SLC22A2: variants seen among roughly 807,000 people sequenced by gnomAD.
SLC22A2 encodes organic cation transporter 2.
A neutral mutation model predicts 60.5 loss-of-function variants in SLC22A2; 46 were observed. The observed-to-expected ratio is 0.76, with a 90% CI of 0.60 to 0.97. The LOEUF is 0.97. Among genes scored for constraint, SLC22A2 ranks in the 50% least tolerant of loss-of-function variants. The pLI, the probability that SLC22A2 is intolerant of heterozygous loss-of-function variation, is 0.00. For synonymous variants in SLC22A2, 303 were observed against 267.0 expected (o/e 1.13, Z -1.31); for missense variants, 701 against 706.6 (o/e 0.99, Z 0.09).
chr6:160,224,733 T>C lies in SLC22A2; in HGVS notation c.1573A>G (p.Thr525Ala). 2 of 1,607,840 alleles carry C rather than the reference T, an allele frequency of 1.2e-6. No homozygotes were observed. Among genetic ancestry groups the C allele is most frequent in the South Asian group, 1.1e-5 (1 of 89,838 alleles). ...PETKGKALPE[T>A]IEEAENMQRP... is the part of the protein sequence containing the mutation. ...TGCATATTTTCGGCTTCCTCGATGG[T>C]CTCAGGCAAAGCTTTCCCTTTAGTT... The change falls in exon 10 of 11, where the codon ACC (threonine) becomes GCC (alanine). Residue 525 changes from threonine to alanine, a missense_variant. Coordinates refer to ENST00000366953, the MANE Select transcript of SLC22A2 (RefSeq NM_003058.4).
In SLC22A2 at chr6:160,235,150, A is replaced by C. The variant is rs373815550; in HGVS notation, c.1501+6324T>G. ...TTTCCTCATAAAGCCCAAGGAATTA[A>C]AGTGGATAGATCCATCTCAAAATCT... is the stretch of plus-strand genomic sequence containing the variant. On this transcript the variant is annotated intron_variant, in intron 9 of 10. Transcript: ENST00000366953. Among the ~76,000 whole-genome samples, 7 of 152,200 alleles carry C rather than the reference A, an allele frequency of 4.6e-5. No homozygotes were observed. The East Asian group carries it at 1.2e-3, about 25-fold the overall frequency.
chr6:160,256,959 G>A (rs751504934), intron 1 of SLC22A2, among the ~76,000 whole-genome samples: 43 of 149,516 alleles, frequency 2.9e-4, no homozygotes, highest in Non-Finnish European at 6.0e-4. Flanking sequence ...CTGGAGTACA[G>A]TGGTGATCAT....
rs544190533 is a variant in SLC22A2, at chr6:160,220,340, C to T, written c.1602-2842G>A. Reference sequence around the variant, plus strand: ...GGTTGAAGCAATTCAGTCACATCTTCGGGCTCTACTTCTAATTCTAGTTCT... The same window carrying T: ...GGTTGAAGCAATTCAGTCACATCTTTGGGCTCTACTTCTAATTCTAGTTCT... On this transcript the variant is annotated intron_variant, in intron 10 of 10. Transcript: ENST00000366953. 1.7e-4 allele frequency among the ~76,000 whole-genome samples: 26 copies of T among 152,320 alleles called. No individual in the cohort carries two copies. The South Asian group carries it at 4.6e-3, about 27-fold the overall frequency.
At position 160,241,510 on chromosome 6, in the gene SLC22A2, T is replaced by C; in HGVS notation, c.1465A>G (p.Thr489Ala). The C allele has an allele frequency of 6.2e-7, 1 of 1,613,720 alleles. No individual in the cohort carries two copies. Among genetic ancestry groups the C allele is most frequent in the Non-Finnish European group, 8.5e-7 (1 of 1,179,692 alleles). ...AGCGGGAGCTCAAGCCAGATGTTAG[T>C]GAGCCGGTAGACCAGGAATGGCGTG... Reference protein sequence around the residue: ...IITPFLVYRLTNIWLELPLMV... With the variant: ...IITPFLVYRLANIWLELPLMV... Residue 489 changes from threonine to alanine, a missense_variant, in exon 9 of 11, where the codon ACT (threonine) becomes GCT (alanine). Thr to Ala is a moderately conservative substitution (Grantham distance 58). Transcript: ENST00000366953.
Sources: allele counts gnomAD v4.1 joint callset (sites outside exome capture counted in the v4.1 genomes callset), GRCh38; gene constraint gnomAD v4.1.1; transcripts MANE v1.5; gene names NCBI Gene and HGNC (gene_info 2026-07-23, HGNC 2026-07-21).